The following DNAH11 variants were observed in gnomAD, a reference collection of about 807,000 sequenced individuals.
DNAH11 encodes axonemal beta dynein heavy chain 11.
In DNAH11, 442 loss-of-function variants were observed where a neutral mutation model predicts 526.0. The ratio of observed to expected loss-of-function variants is 0.84; its 90% CI spans 0.78 to 0.91. The LOEUF (loss-of-function observed/expected upper bound fraction) is 0.91, where lower values mean the gene tolerates loss of function less well. Among genes scored for constraint, DNAH11 ranks in the 40% least tolerant of loss-of-function variants. The probability of loss-of-function intolerance (pLI) is 0.00; values close to 1 mark genes in which losing one functional copy is unlikely to be tolerated. For synonymous variants in DNAH11, 2,461 were observed against 1,935.9 expected (o/e 1.27, Z -7.12); for missense variants, 6,989 against 5,448.7 (o/e 1.28, Z -8.90).
intron 55 of DNAH11, among the ~76,000 whole-genome samples, chr7:21,772,006 A>G (rs895516609): frequency 5.3e-5 from 8 of 152,228 alleles, no homozygotes; most frequent in African/African-American, 1.9e-4. Context: ...TGACCTTATC[A>G]TAAGAGAAAG....
rs765530942 is a variant in DNAH11, at chr7:21,867,985, C to A, written c.11817C>A (p.Ala3939=). The change falls in exon 72 of 82, where the codon GCC becomes GCA. Residue 3939 remains alanine (A), a synonymous_variant. Transcript: ENST00000409508. ...IFFILSPGVD[A]LKDLEILGKR... is the part of the protein sequence containing the mutation. ...TCATCCTGTCTCCGGGGGTAGATGC[C>A]CTTAAAGACCTGGAGATTCTTGGTG... 3 of 1,551,664 alleles carry A rather than the reference C, an allele frequency of 1.9e-6. No individual in the cohort carries two copies. The highest frequency in any genetic ancestry group is 2.6e-6 in the Non-Finnish European group (3 of 1,146,624).
chr7:21,545,102 G>C lies in DNAH11; in HGVS notation c.448G>C (p.Glu150Gln). 1 of 1,610,680 alleles carries C rather than the reference G, an allele frequency of 6.2e-7. No homozygotes were observed. Among genetic ancestry groups the C allele is most frequent in the Admixed American group, 1.7e-5 (1 of 59,654 alleles). The stretch of plus-strand genomic sequence containing the variant: ...CTTTTCTCAAGTGGTTTTATTTGGA[G>C]AGTTACCTGCGTTGTCTCTTGGACA... ...NDFSQVVLFG[E>Q]LPALSLGHVS... Residue 150 changes from glutamate to glutamine, a missense_variant, in exon 2 of 82, where the codon GAG becomes CAG. Physicochemically the swap from Glu to Gln is conservative, Grantham distance 29. Transcript: ENST00000409508.
chr7:21,750,235 T>A lies in DNAH11; in HGVS notation c.8811T>A (p.Asp2937Glu). ...TCTTTGGGGCAGGAGAAATCCCAGA[T>A]CTGTTCAGCGATGAAGATGTGGACA... ...NDLLASGEIP[D>E]LFSDEDVDKI... Residue 2937 changes from aspartate to glutamate, a missense_variant, in exon 54 of 82, where the codon GAT becomes GAA. Transcript: ENST00000409508. The A allele has an allele frequency of 6.2e-7, 1 of 1,604,190 alleles. No individual in the cohort carries two copies. Among genetic ancestry groups the A allele is most frequent in the Non-Finnish European group, 8.5e-7 (1 of 1,175,626 alleles).
chr7:21,704,874 A>T (rs937989236), intron 38 of DNAH11, among the ~76,000 whole-genome samples: 3 of 152,234 alleles, frequency 2.0e-5, no homozygotes, highest in Admixed American at 2.0e-4. Context: ...GCTTTTAATT[A>T]GGTTACAAAA....
intron 77 of DNAH11, 62 bp downstream of exon 77, chr7:21,892,729 A>C: frequency 6.7e-7 from 1 of 1,487,556 alleles, no homozygotes; most frequent in Non-Finnish European, 9.0e-7. Flanking sequence ...ACTGAAGTCT[A>C]CTAATCTTAA....
At chr7:21,555,159 G>A (rs1458864340) in intron 2 of DNAH11, among the ~76,000 whole-genome samples, 1 of 152,184 alleles carries the variant, frequency 6.6e-6, no homozygotes, top group African/African-American at 2.4e-5. Context: ...TGAGGATGGG[G>A]TTTTATCATT....
intron 68 of DNAH11, among the ~76,000 whole-genome samples, chr7:21,855,959 A>T (rs144281652): frequency 1.1e-3 from 171 of 152,330 alleles, no homozygotes; most frequent in African/African-American, 3.9e-3. Flanking sequence ...AAGGCCTCCC[A>T]GAGGAAGTAA....
At chr7:21,611,057 C>A (rs1010339911) in intron 20 of DNAH11, among the ~76,000 whole-genome samples, 4 of 152,152 alleles carry the variant, frequency 2.6e-5, no homozygotes, top group African/African-American at 7.2e-5. Context: ...TCTGAGGACA[C>A]AGGAGAGACT....
chr7:21,615,352 A>G lies in DNAH11; in HGVS notation c.4011+80A>G, dbSNP rs55937657. On this transcript the variant is annotated intron_variant, in intron 21 of 81. Coordinates refer to ENST00000409508, the MANE Select transcript of DNAH11 (RefSeq NM_001277115.2). ...CAGTTTGTGGAGCCTATATTATTCT[A>G]TTTGGGTTTTATAATGTCTTGAAAT... is the stretch of plus-strand genomic sequence containing the variant. 0.15 allele frequency: 224,676 copies of G among 1,493,628 alleles called. 17,553 individuals carry two copies. Among genetic ancestry groups the G allele is most frequent in the East Asian group, 0.17 (7,303 of 42,142 alleles). 92.5% of individuals were successfully genotyped at this position (1,493,628 alleles called of 1,614,324 possible).
In DNAH11 at chr7:21,564,462, G is replaced by A. The variant is rs1783585454; in HGVS notation, c.1194+65G>A. ...CTGTGAGGTAGGTTTTACGAGACTA[G>A]TGAAGAATAATCTAGTATACAGTAA... On this transcript the variant is annotated intron_variant, in intron 6 of 81. Transcript: ENST00000409508. 3.3e-6 allele frequency: 4 copies of A among 1,226,900 alleles called. No individual in the cohort carries two copies. The East Asian group carries it at 9.5e-5, about 29-fold the overall frequency. 76.0% of individuals were successfully genotyped at this position (1,226,900 alleles called of 1,614,324 possible).
intron 25 of DNAH11, among the ~76,000 whole-genome samples, chr7:21,634,617 C>G (rs886122901): frequency 6.6e-6 from 1 of 152,020 alleles, no homozygotes; most frequent in Non-Finnish European, 1.5e-5. Context: ...ACATTGAGTC[C>G]CCTTGGACAC....
Position 21,867,998 on chromosome 7 carries a change from G to C in DNAH11, c.11830G>C (p.Glu3944Gln). ...SPGVDALKDL[E>Q]ILGKRLGFTI... ...GGGGGTAGATGCCCTTAAAGACCTGGAGATTCTTGGTGAGTGGCTGGGAGG... is the reference window on the plus strand; with the variant it reads ...GGGGGTAGATGCCCTTAAAGACCTGCAGATTCTTGGTGAGTGGCTGGGAGG... The change falls in exon 72 of 82, where the codon GAG (glutamate) becomes CAG (glutamine). Residue 3944 changes from glutamate to glutamine, a missense_variant. Glu to Gln is a conservative substitution (Grantham distance 29, BLOSUM62 2). Coordinates refer to ENST00000409508, the MANE Select transcript of DNAH11 (RefSeq NM_001277115.2). 1 of 1,541,040 alleles carries C rather than the reference G, an allele frequency of 6.5e-7. No homozygotes were observed. Among genetic ancestry groups the C allele is most frequent in the South Asian group, 1.2e-5 (1 of 80,704 alleles).
chr7:21,752,370 C>A (rs1218926898), intron 54 of DNAH11, among the ~76,000 whole-genome samples: 1 of 152,208 alleles, frequency 6.6e-6, no homozygotes, highest in Non-Finnish European at 1.5e-5. Context: ...GTGACTGCTT[C>A]AGCTAATATC....
In DNAH11 at chr7:21,880,376, A is replaced by ATCCAGATT. The variant is rs566791291; in HGVS notation, c.12196-325_12196-318dup. Among the ~76,000 whole-genome samples the ATCCAGATT allele has an allele frequency of 5.0e-3, 763 of 152,334 alleles. 10 individuals are homozygous for ATCCAGATT. Among genetic ancestry groups the ATCCAGATT allele is most frequent in the South Asian group, 0.043 (206 of 4,832 alleles). On this transcript the variant is annotated intron_variant, in intron 74 of 81. Coordinates refer to ENST00000409508, the MANE Select transcript of DNAH11 (RefSeq NM_001277115.2). ...GAAATGAAGATGATGGCTTTATGTCATCCAGATTCTGCGAAGAAAATTTTG... is the reference window on the plus strand; with the variant it reads ...GAAATGAAGATGATGGCTTTATGTCATCCAGATTTCCAGATTCTGCGAAGAAAATTTTG...
intron 61 of DNAH11, among the ~76,000 whole-genome samples, chr7:21,794,970 G>T (rs1009303194): frequency 6.6e-6 from 1 of 152,050 alleles, no homozygotes; most frequent in Non-Finnish European, 1.5e-5. Context: ...TTCTTCTGCT[G>T]CTCAGAGTTT....
intron 45 of DNAH11, among the ~76,000 whole-genome samples, chr7:21,729,917 AACCATGATGAGATACC>A (rs1785301712): frequency 6.6e-6 from 1 of 152,236 alleles, no homozygotes; most frequent in South Asian, 2.1e-4. Context: ...AATCTGTATT[AACCATGATGAGATACC>A]ACCTCACACC....
At chr7:21,807,448 A>G (rs1789314161) in intron 62 of DNAH11, among the ~76,000 whole-genome samples, 1 of 152,220 alleles carries the variant, frequency 6.6e-6, no homozygotes, top group African/African-American at 2.4e-5. Flanking sequence ...GCAATGAGCC[A>G]AGATGGTGCT....
chr7:21,900,094 C>CT lies in DNAH11; in HGVS notation c.13277_13278insT (p.Tyr4427IlefsTer21). On this transcript the variant is annotated frameshift_variant, in exon 81 of 82. Transcript: ENST00000409508. LOFTEE classifies it high-confidence loss of function. ...TATGGACACCCGCCAAGGGAAGGTG[C>CT]ATACCTCCACGGACTCTTCATGGAG... is the stretch of plus-strand genomic sequence containing the variant. 2 of 1,613,808 alleles carry CT rather than the reference C, an allele frequency of 1.2e-6. No homozygotes were observed. Among genetic ancestry groups the CT allele is most frequent in the Non-Finnish European group, 1.7e-6 (2 of 1,179,804 alleles).
intron 63 of DNAH11, among the ~76,000 whole-genome samples, chr7:21,810,989 T>A (rs10256263): frequency 0.41 from 62,934 of 152,094 alleles, 13,933 homozygotes; most frequent in East Asian, 0.82. Flanking sequence ...TGCCATTGTT[T>A]ATAGCAGCAC....
Sources: allele counts gnomAD v4.1 joint callset (sites outside exome capture counted in the v4.1 genomes callset), GRCh38; gene constraint gnomAD v4.1.1; transcripts MANE v1.5; gene names NCBI Gene and HGNC (gene_info 2026-07-23, HGNC 2026-07-21).